Variants in SRPK2 observed in about 807,000 individuals in gnomAD.
SRPK2 encodes SRSF protein kinase 2.
Under a neutral mutation model 90.8 loss-of-function variants are expected in SRPK2, and 21 were observed. The ratio of observed to expected loss-of-function variants is 0.23; its 90% CI spans 0.16 to 0.33. The LOEUF (loss-of-function observed/expected upper bound fraction) is 0.33. Among genes scored for constraint, SRPK2 ranks in the 10% least tolerant of loss-of-function variants. The pLI is 1.00. For missense variants in SRPK2, 620 were observed against 869.0 expected (o/e 0.71, Z 3.60); for synonymous variants, 288 against 311.1 (o/e 0.93, Z 0.78).
At position 105,175,849 on chromosome 7, in the gene SRPK2, A is replaced by T. The variant is rs73715408; in HGVS notation, c.230-6584T>A. Among the ~76,000 whole-genome samples, 511 of 152,296 alleles carry T rather than the reference A, an allele frequency of 3.4e-3. 2 individuals are homozygous for T. Among genetic ancestry groups the T allele is most frequent in the African/African-American group, 0.011 (475 of 41,574 alleles). Reference sequence around the variant, plus strand: ...ATCTGAAAAACCATGTATCTATTTTAAAAAATGAATTTATTGTTCAAAATC... The same window carrying T: ...ATCTGAAAAACCATGTATCTATTTTTAAAAATGAATTTATTGTTCAAAATC... On this transcript the variant is annotated intron_variant, in intron 3 of 15. Coordinates refer to ENST00000393651, the MANE Select transcript of SRPK2 (RefSeq NM_182692.3).
chr7:105,187,242 G>C (rs1793702307), intron 3 of SRPK2, among the ~76,000 whole-genome samples: 1 of 152,166 alleles, frequency 6.6e-6, no homozygotes, highest in South Asian at 2.1e-4. Context: ...TTAAAAGACT[G>C]ATCAACTAGC....
intron 2 of SRPK2, among the ~76,000 whole-genome samples, chr7:105,330,819 T>A (rs1449311470): frequency 3.4e-5 from 5 of 148,152 alleles, no homozygotes; most frequent in Middle Eastern, 3.4e-3. Flanking sequence ...TGTCTCTATT[T>A]AAAAAAAAAA....
intron 6 of SRPK2, among the ~76,000 whole-genome samples, chr7:105,166,237 A>G (rs1790042898): frequency 6.6e-6 from 1 of 152,236 alleles, no homozygotes; most frequent in Non-Finnish European, 1.5e-5. Context: ...TCTGAAACTG[A>G]ACAACTAAAG....
intron 2 of SRPK2, among the ~76,000 whole-genome samples, chr7:105,356,354 C>A (rs891147035): frequency 3.9e-5 from 6 of 152,142 alleles, no homozygotes; most frequent in Middle Eastern, 3.4e-3. Flanking sequence ...ACAATGTGAA[C>A]CAAAAATGGA....
intron 2 of SRPK2, among the ~76,000 whole-genome samples, chr7:105,280,627 A>C (rs1350069267): frequency 1.5e-5 from 2 of 133,720 alleles, no homozygotes. Flanking sequence ...GGCTATTTAC[A>C]TGTATAAGAA....
intron 3 of SRPK2, among the ~76,000 whole-genome samples, chr7:105,178,488 A>C (rs1454790836): frequency 6.6e-6 from 1 of 152,188 alleles, no homozygotes; most frequent in African/African-American, 2.4e-5. Context: ...GCAAAGGCTA[A>C]TATTCCAAAA....
intron 2 of SRPK2, among the ~76,000 whole-genome samples, chr7:105,258,867 G>A (rs1188344789): frequency 2.0e-5 from 3 of 152,154 alleles, no homozygotes. Flanking sequence ...CAGTAAACTA[G>A]GTATTGATGG....
chr7:105,130,065 G>C (rs1480911164), intron 13 of SRPK2, among the ~76,000 whole-genome samples: 2 of 151,928 alleles, frequency 1.3e-5, no homozygotes, highest in African/African-American at 4.8e-5. Context: ...AAGGTGTAAA[G>C]CTCAAAAAAA....
At chr7:105,348,360 C>T (rs34154773) in intron 2 of SRPK2, among the ~76,000 whole-genome samples, 9 of 151,282 alleles carry the variant, frequency 5.9e-5, no homozygotes, top group Middle Eastern at 3.2e-3. Context: ...TGTGAGTCAC[C>T]GCGCACAGCA....
At chr7:105,233,680 C>A (rs1799792227) in intron 2 of SRPK2, among the ~76,000 whole-genome samples, 1 of 151,992 alleles carries the variant, frequency 6.6e-6, no homozygotes, top group Non-Finnish European at 1.5e-5. Flanking sequence ...TGATGAAATC[C>A]CGTCTCTACT....
chr7:105,136,994 G>A (rs529889338), intron 11 of SRPK2, among the ~76,000 whole-genome samples: 40 of 152,306 alleles, frequency 2.6e-4, no homozygotes, highest in Non-Finnish European at 4.9e-4. Context: ...CTGTCAGGTA[G>A]CTAAACAGGC....
At chr7:105,387,113 T>A (rs1164963961) in intron 2 of SRPK2, among the ~76,000 whole-genome samples, 2 of 152,222 alleles carry the variant, frequency 1.3e-5, no homozygotes, top group African/African-American at 4.8e-5. Context: ...AACATGCACA[T>A]ATACGTGTCT....
rs368395078 is a variant in SRPK2 at position 105,168,000 on chromosome 7, G to A, written c.426+8C>T. 122 of 1,590,228 alleles carry A rather than the reference G, an allele frequency of 7.7e-5. No homozygotes were observed. The highest frequency in any genetic ancestry group is 1.7e-4 in the Middle Eastern group (1 of 5,966). On this transcript the variant is annotated splice_region_variant and intron_variant, in intron 5 of 15. Transcript: ENST00000393651. ...TTCTTATATCATTCACATTTTTAAAGTACTTACACATTTGAGCAATTTTAT... is the reference window on the plus strand; with the variant it reads ...TTCTTATATCATTCACATTTTTAAAATACTTACACATTTGAGCAATTTTAT...
chr7:105,159,565 T>TACACA (rs1470072095), intron 7 of SRPK2, among the ~76,000 whole-genome samples: 3 of 151,024 alleles, frequency 2.0e-5, no homozygotes, highest in Non-Finnish European at 2.9e-5. Context: ...ATGCTTTTAC[T>TACACA]ACACAAATTT....
intron 2 of SRPK2, among the ~76,000 whole-genome samples, chr7:105,255,647 C>T: frequency 6.6e-6 from 1 of 152,052 alleles, no homozygotes; most frequent in East Asian, 1.9e-4. Context: ...AAACGCACAT[C>T]TAGGCCAGGC....
chr7:105,155,541 C>T (rs1230684117), intron 7 of SRPK2, among the ~76,000 whole-genome samples: 1 of 152,164 alleles, frequency 6.6e-6, no homozygotes. Flanking sequence ...ATGGTGACAG[C>T]TGATACTGGC....
chr7:105,237,967 T>C (rs1193798576), intron 2 of SRPK2, among the ~76,000 whole-genome samples: 1 of 152,154 alleles, frequency 6.6e-6, no homozygotes, highest in Admixed American at 6.5e-5. Flanking sequence ...ATTATTAAGT[T>C]TGACACAACT....
intron 2 of SRPK2, among the ~76,000 whole-genome samples, chr7:105,375,363 G>C (rs1301820875): frequency 6.6e-6 from 1 of 152,104 alleles, no homozygotes; most frequent in Non-Finnish European, 1.5e-5. Context: ...GGGGGTATAA[G>C]AGAGCCCTTG....
Position 105,206,075 on chromosome 7 carries a change from T to A in SRPK2, c.72-2290A>T, listed in dbSNP as rs544545321. The stretch of plus-strand genomic sequence containing the variant: ...TGGATAATTCATTGCTGTGGGGCTG[T>A]CGTGTGCACTGTGGGATGCTTTTCA... On this transcript the variant is annotated intron_variant, in intron 2 of 15. Coordinates refer to ENST00000393651, the MANE Select transcript of SRPK2 (RefSeq NM_182692.3). The A allele has an allele frequency of 4.9e-5, 25 of 507,026 alleles. No homozygotes were observed. In the East Asian group the frequency reaches 1.4e-3, roughly 28 times the overall value. 31.4% of individuals were successfully genotyped at this position (507,026 alleles called of 1,614,324 possible). A position where few individuals can be genotyped will look rare whatever the true frequency, so the allele number is the denominator to read the frequency against.
Sources: gnomAD v4.1 joint callset for allele counts (sites outside exome capture counted in the v4.1 genomes callset) on GRCh38, gnomAD v4.1.1 for gene constraint, MANE v1.5 for transcripts, NCBI Gene and HGNC (gene_info 2026-07-23, HGNC 2026-07-21) for gene names.